The following ERC2 variants were observed in gnomAD, a reference collection of about 807,000 sequenced individuals.
The protein encoded by ERC2 is ELKS/RAB6-interacting/CAST family member 2, also known as ERC protein 2.
Under a neutral mutation model 114.8 loss-of-function variants are expected in ERC2, and 42 were observed. That is an observed-to-expected ratio of 0.37 (90% confidence interval 0.29 to 0.47). The LOEUF (loss-of-function observed/expected upper bound fraction) is 0.47, where lower values mean the gene tolerates loss of function less well. ERC2 is among the 20% of genes least tolerant of loss of function. The pLI is 0.99. For synonymous variants in ERC2, 454 were observed against 425.5 expected (o/e 1.07, Z -0.82); for missense variants, 939 against 1,150.7 (o/e 0.82, Z 2.66).
At chr3:55,713,122 C>G (rs76688803) in intron 15 of ERC2, among the ~76,000 whole-genome samples, 7,619 of 116,254 alleles carry the variant, frequency 0.066, 281 homozygotes, top group East Asian at 0.21. Flanking sequence ...CTCTCTCTCT[C>G]TCTCTGTCTC....
intron 14 of ERC2, among the ~76,000 whole-genome samples, chr3:55,822,186 G>A (rs752484392): frequency 5.3e-5 from 8 of 152,214 alleles, no homozygotes; most frequent in Non-Finnish European, 1.2e-4. Flanking sequence ...ATTTGAAATT[G>A]ACATGGTGCA....
intron 12 of ERC2, among the ~76,000 whole-genome samples, chr3:55,971,396 T>C (rs1277980776): frequency 6.6e-6 from 1 of 151,180 alleles, no homozygotes. Context: ...AATTAAATGC[T>C]ATAAAAAAGT....
chr3:56,150,703 T>C (rs1014703143), intron 4 of ERC2, among the ~76,000 whole-genome samples: 13 of 152,206 alleles, frequency 8.5e-5, no homozygotes, highest in Non-Finnish European at 1.8e-4. Context: ...AATGTTTTCA[T>C]GTATATTCTG....
At chr3:55,810,933 G>A (rs2059698393) in intron 14 of ERC2, among the ~76,000 whole-genome samples, 1 of 152,110 alleles carries the variant, frequency 6.6e-6, no homozygotes, top group African/African-American at 2.4e-5. Flanking sequence ...AGTTTCCACA[G>A]GCTAAATTCA....
At chr3:55,727,326 C>G (rs1237010011) in intron 15 of ERC2, among the ~76,000 whole-genome samples, 1 of 152,052 alleles carries the variant, frequency 6.6e-6, no homozygotes, top group Non-Finnish European at 1.5e-5. Flanking sequence ...AATCTGCAAG[C>G]AAGATTATTT....
intron 14 of ERC2, among the ~76,000 whole-genome samples, chr3:55,870,470 G>A (rs1380442052): frequency 6.6e-6 from 1 of 152,170 alleles, no homozygotes; most frequent in African/African-American, 2.4e-5. Flanking sequence ...GCAAGTCTTA[G>A]CAATCCATGC....
chr3:56,214,195 G>A (rs535902953), intron 3 of ERC2, among the ~76,000 whole-genome samples: 58 of 152,294 alleles, frequency 3.8e-4, no homozygotes, highest in South Asian at 8.3e-4. Flanking sequence ...AAACTTCTCC[G>A]AGCTAAAGGA....
At chr3:56,414,156 G>C (rs1021258549) in intron 2 of ERC2, among the ~76,000 whole-genome samples, 1 of 152,192 alleles carries the variant, frequency 6.6e-6, no homozygotes, top group African/African-American at 2.4e-5. Context: ...TTCCCTGGAA[G>C]GGCCTCTGCA....
intron 2 of ERC2, among the ~76,000 whole-genome samples, chr3:56,343,424 C>G (rs55649378): frequency 0.02 from 2,958 of 151,456 alleles, 103 homozygotes; most frequent in African/African-American, 0.065. Flanking sequence ...TCTATGCTTT[C>G]GGAGGCAAAA....
intron 4 of ERC2, among the ~76,000 whole-genome samples, chr3:56,162,703 T>G (rs576250525): frequency 6.6e-6 from 1 of 152,280 alleles, no homozygotes; most frequent in South Asian, 2.1e-4. Flanking sequence ...TCTTCTGTAA[T>G]TCTGTGGGAT....
intron 2 of ERC2, among the ~76,000 whole-genome samples, chr3:56,352,788 C>G (rs1253422172): frequency 1.3e-5 from 2 of 152,158 alleles, no homozygotes; most frequent in Admixed American, 1.3e-4. Context: ...CCATTCAGTA[C>G]TTTGCAGACT....
intron 1 of ERC2, among the ~76,000 whole-genome samples, chr3:56,437,057 T>A (rs1400534163): frequency 1.3e-5 from 2 of 152,358 alleles, no homozygotes; most frequent in Non-Finnish European, 2.9e-5. Context: ...GGCAGTGTTT[T>A]CCCAATGTGA....
intron 2 of ERC2, among the ~76,000 whole-genome samples, chr3:56,349,785 C>T (rs541880146): frequency 6.6e-5 from 10 of 152,090 alleles, no homozygotes; most frequent in East Asian, 1.9e-4. Context: ...TGGTGGCAGG[C>T]ACCTGTAATC....
In ERC2 at chr3:56,446,629, C is replaced by CT. The variant is rs71099637; in HGVS notation, c.-140-11483dup. 5.1e-4 allele frequency among the ~76,000 whole-genome samples: 67 copies of CT among 132,086 alleles called. 2 individuals carry two copies. Among genetic ancestry groups the CT allele is most frequent in the East Asian group, 1.3e-3 (6 of 4,572 alleles). 86.7% of individuals were successfully genotyped at this position (132,086 alleles called of 152,430 possible). On this transcript the variant is annotated intron_variant, in intron 1 of 17. Transcript: ENST00000288221. ...TTTTCTTCTTTTTTTTTTTTTCTTT[C>CT]TTTTTTTTTTTTTTGAGACGGGGTC...
At chr3:55,742,580 C>T (rs1159513413) in intron 14 of ERC2, among the ~76,000 whole-genome samples, 1 of 152,186 alleles carries the variant, frequency 6.6e-6, no homozygotes, top group Non-Finnish European at 1.5e-5. Flanking sequence ...TGGTGCTTAG[C>T]CCAGGCAGTC....
chr3:56,397,222 A>C (rs922692754), intron 2 of ERC2, among the ~76,000 whole-genome samples: 1 of 152,112 alleles, frequency 6.6e-6, no homozygotes, highest in Non-Finnish European at 1.5e-5. Flanking sequence ...AGTGGCATGC[A>C]CCTGTAGTCC....
intron 3 of ERC2, among the ~76,000 whole-genome samples, chr3:56,220,339 G>C (rs1227510919): frequency 6.6e-6 from 1 of 152,174 alleles, no homozygotes; most frequent in Non-Finnish European, 1.5e-5. Flanking sequence ...AGGTTACACA[G>C]AAAAATGGTT....
intron 3 of ERC2, among the ~76,000 whole-genome samples, chr3:56,229,529 C>T (rs942781719): frequency 2.6e-5 from 4 of 152,094 alleles, no homozygotes; most frequent in Non-Finnish European, 1.5e-5. Context: ...AGATATGATA[C>T]TTAAGTACAA....
intron 8 of ERC2, among the ~76,000 whole-genome samples, chr3:56,014,120 T>C (rs2149579707): frequency 6.6e-6 from 1 of 152,182 alleles, no homozygotes; most frequent in Admixed American, 6.6e-5. Context: ...AAAAAACAGA[T>C]GCAAACAGAG....
Sources: gnomAD v4.1 joint callset for allele counts (sites outside exome capture counted in the v4.1 genomes callset) on GRCh38, gnomAD v4.1.1 for gene constraint, MANE v1.5 for transcripts, NCBI Gene and HGNC (gene_info 2026-07-23, HGNC 2026-07-21) for gene names.